Variants in RBL1 observed in about 807,000 individuals in gnomAD.
RBL1 encodes the protein retinoblastoma-like protein 1.
Under a neutral mutation model 123.0 loss-of-function variants are expected in RBL1, and 82 were observed. The observed-to-expected ratio is 0.67, with a 90% CI of 0.56 to 0.80. The LOEUF (loss-of-function observed/expected upper bound fraction) is 0.80. Ranked by LOEUF, RBL1 falls within the 30% of genes least tolerant of loss-of-function variation. The pLI is 0.00. For missense variants in RBL1, 1,171 were observed against 1,299.6 expected (o/e 0.90, Z 1.52); for synonymous variants, 405 against 441.3 (o/e 0.92, Z 1.03).
At chr20:37,063,513 A>AT (rs879427585) in intron 7 of RBL1, among the ~76,000 whole-genome samples, 42 of 151,234 alleles carry the variant, frequency 2.8e-4, no homozygotes, top group East Asian at 3.9e-4. Context: ...CGTGTCAATG[A>AT]TTTTTTTTCT....
rs533143979 is a variant in RBL1, at chr20:37,028,672, CAA to C, written c.2382+3991_2382+3992del. 3.0e-3 allele frequency among the ~76,000 whole-genome samples: 461 copies of C among 152,288 alleles called. 1 individual carries two copies. The highest frequency in any genetic ancestry group is 5.4e-3 in the Non-Finnish European group (364 of 68,036). On this transcript the variant is annotated intron_variant, in intron 16 of 21. Transcript: ENST00000373664. ...AACTCCATTCTACGGCAACATAACA[CAA>C]AAGAGTTTCAGTAAATTCCAGAGGC...
intron 10 of RBL1, among the ~76,000 whole-genome samples, 168 bp from the exon 11 acceptor site, chr20:37,055,824 A>G (rs1456894788): frequency 2.0e-5 from 3 of 152,104 alleles, no homozygotes; most frequent in African/African-American, 4.8e-5. Context: ...CTAGGCAAGC[A>G]GATCACCTGA....
intron 11 of RBL1, chr20:37,049,530 G>C (rs2064871533): frequency 1.3e-6 from 1 of 755,336 alleles, no homozygotes; most frequent in East Asian, 2.4e-5. Flanking sequence ...AGAGAAAGAA[G>C]GTTAAGCTGG....
chr20:36,999,537 G>A (rs1169520837), intron 21 of RBL1, among the ~76,000 whole-genome samples: 1 of 148,576 alleles, frequency 6.7e-6, no homozygotes, highest in Admixed American at 6.7e-5. Flanking sequence ...TCCCCCTGAT[G>A]CCGAGCCAAA....
At chr20:37,088,101 A>G (rs1349490759) in intron 2 of RBL1, among the ~76,000 whole-genome samples, 1 of 152,050 alleles carries the variant, frequency 6.6e-6, no homozygotes, top group Non-Finnish European at 1.5e-5. Flanking sequence ...CTCCGTCTCT[A>G]CTAAAAATAC....
chr20:37,018,125 C>T (rs1363561162), intron 19 of RBL1, among the ~76,000 whole-genome samples, 154 bp downstream of exon 19: 4 of 152,224 alleles, frequency 2.6e-5, no homozygotes, highest in African/African-American at 7.2e-5. Context: ...TATACCAGCA[C>T]ATTCTAATCT....
intron 16 of RBL1, among the ~76,000 whole-genome samples, chr20:37,025,749 T>G (rs191518935): frequency 8.0e-5 from 12 of 150,914 alleles, no homozygotes; most frequent in African/African-American, 2.2e-4. Context: ...GACCTGGGTT[T>G]TTTTTTTTTT....
intron 19 of RBL1, among the ~76,000 whole-genome samples, chr20:37,012,906 G>T (rs1344271496): frequency 6.7e-6 from 1 of 148,266 alleles, no homozygotes; most frequent in Non-Finnish European, 1.5e-5. Context: ...CCCCGTCCGG[G>T]AGGGAGGTGG....
chr20:37,044,305 G>A, intron 12 of RBL1, 55 bp from the exon 13 acceptor site: 6 of 1,533,896 alleles, frequency 3.9e-6, no homozygotes, highest in Non-Finnish European at 5.4e-6. Context: ...GTTCTAGTCT[G>A]GACTTGCATG....
Position 37,001,998 on chromosome 20 carries a change from C to T in RBL1, c.3036+1704G>A, listed in dbSNP as rs550344119. ...GAATTTACTGTATAACAGTAGCTCT[C>T]GATGTGTAGTACCCAGACCAGAAGC... On this transcript the variant is annotated intron_variant, in intron 21 of 21. Transcript: ENST00000373664. Among the ~76,000 whole-genome samples, 4 of 150,198 alleles carry T rather than the reference C, an allele frequency of 2.7e-5. No individual in the cohort carries two copies. The South Asian group carries it at 6.3e-4, about 24-fold the overall frequency.
intron 13 of RBL1, among the ~76,000 whole-genome samples, chr20:37,042,691 C>T (rs1305303613): frequency 1.3e-5 from 2 of 151,352 alleles, no homozygotes; most frequent in Non-Finnish European, 2.9e-5. Flanking sequence ...TCGCTTGAGC[C>T]CAGGAATTCA....
chr20:37,026,703 CA>C (rs112646063), intron 16 of RBL1, among the ~76,000 whole-genome samples: 512 of 97,794 alleles, frequency 5.2e-3, no homozygotes, highest in Middle Eastern at 0.02. Flanking sequence ...GACTCCATCT[CA>C]AAAAAAAAAA....
At chr20:37,063,384 C>A (rs1157316050) in intron 7 of RBL1, among the ~76,000 whole-genome samples, 1 of 151,986 alleles carries the variant, frequency 6.6e-6, no homozygotes, top group South Asian at 2.1e-4. Flanking sequence ...TGTGGTGGGT[C>A]ATGCCTGTAA....
chr20:37,033,840 C>T (rs2064557177), intron 15 of RBL1, among the ~76,000 whole-genome samples: 1 of 151,904 alleles, frequency 6.6e-6, no homozygotes, highest in African/African-American at 2.4e-5. Flanking sequence ...TGGTCTCAAA[C>T]TCCTGACCTC....
chr20:37,081,943 T>C (rs1235530025), intron 2 of RBL1: 1 of 455,290 alleles, frequency 2.2e-6, no homozygotes, highest in Non-Finnish European at 4.4e-6. Flanking sequence ...GCTCCAATTA[T>C]AATATCAGTA....
intron 13 of RBL1, among the ~76,000 whole-genome samples, chr20:37,043,882 G>C (rs1421960082): frequency 6.6e-6 from 1 of 152,102 alleles, no homozygotes; most frequent in African/African-American, 2.4e-5. Flanking sequence ...GGAAGTGATA[G>C]CTAAAGGATG....
chr20:37,050,544 CAAAAAAAAAA>C (rs148834732), intron 11 of RBL1, among the ~76,000 whole-genome samples: 3 of 10,944 alleles, frequency 2.7e-4, no homozygotes, highest in East Asian at 2.9e-3. Context: ...GACTCTGTCT[CAAAAAAAAAA>C]AAAAAAAAAA....
intron 21 of RBL1, among the ~76,000 whole-genome samples, chr20:37,002,137 A>G (rs1456243674): frequency 6.6e-6 from 1 of 151,622 alleles, no homozygotes; most frequent in African/African-American, 2.4e-5. Context: ...GGCTCAAGCT[A>G]TTCTCCTGCC....
intron 2 of RBL1, among the ~76,000 whole-genome samples, chr20:37,078,343 C>A (rs2065396634): frequency 6.6e-6 from 1 of 152,168 alleles, no homozygotes; most frequent in Non-Finnish European, 1.5e-5. Flanking sequence ...GTTTTAATAT[C>A]CATTGATGAT....
Sources: allele counts gnomAD v4.1 joint callset (sites outside exome capture counted in the v4.1 genomes callset), GRCh38; gene constraint gnomAD v4.1.1; transcripts MANE v1.5; gene names NCBI Gene and HGNC (gene_info 2026-07-23, HGNC 2026-07-21).